ZSCAN1: variants seen among roughly 807,000 people sequenced by gnomAD.
ZSCAN1 encodes zinc finger and SCAN domain containing 1, also known as zinc finger and SCAN domain-containing protein 1.
Under a neutral mutation model 23.8 loss-of-function variants are expected in ZSCAN1, and 23 were observed. That is an observed-to-expected ratio of 0.97 (90% CI 0.70 to 1.37). ZSCAN1 has a LOEUF of 1.37. Ranked by LOEUF, ZSCAN1 falls within the 40% of genes most tolerant of loss-of-function variation. ZSCAN1 has a pLI of 0.00. For synonymous variants in ZSCAN1, 236 were observed against 232.3 expected (o/e 1.02, Z -0.15); for missense variants, 575 against 554.0 (o/e 1.04, Z -0.38).
intron 4 of ZSCAN1, chr19:58,044,927 TTGG>T: frequency 1.1e-6 from 1 of 913,908 alleles, no homozygotes; most frequent in South Asian, 1.3e-5. Flanking sequence ...TCGCGCCCTG[TTGG>T]TGATGACTCG....
At chr19:58,054,792 G>A (rs1445531355), downstream of ZSCAN1, among the ~76,000 whole-genome samples, 1 of 152,246 alleles carries the variant, frequency 6.6e-6, no homozygotes, top group Non-Finnish European at 1.5e-5. The surrounding 1 kb of genome is among the most constrained non-coding windows in gnomAD (Gnocchi z 4.2). Context: ...GATTTCAGGC[G>A]CAGTCTTTAG....
downstream of ZSCAN1, among the ~76,000 whole-genome samples, chr19:58,055,278 T>A (rs769596887): frequency 9.9e-5 from 15 of 152,246 alleles, no homozygotes; most frequent in East Asian, 2.9e-3. Flanking sequence ...CTGTCCCCGA[T>A]GGCCCTCTCG....
chr19:58,037,926 C>T lies in ZSCAN1; in HGVS notation c.90C>T (p.Ser30=). ...SEQDADPGPA[S]PRDTEAQRLR... is the part of the protein sequence containing the mutation. ...AGGACGCAGACCCTGGGCCAGCAAG[C>T]CCCAGGGACACCGAAGCCCAGCGTC... The change falls in exon 3 of 6, where the codon AGC becomes AGT. Residue 30 remains serine, a synonymous_variant. Coordinates refer to ENST00000282326, the MANE Select transcript of ZSCAN1 (RefSeq NM_182572.4). 1 of 1,601,836 alleles carries T rather than the reference C, an allele frequency of 6.2e-7. No homozygotes were observed. Among genetic ancestry groups the T allele is most frequent in the Non-Finnish European group, 8.5e-7 (1 of 1,179,206 alleles).
intron 4 of ZSCAN1, among the ~76,000 whole-genome samples, chr19:58,050,547 C>T (rs1158890222): frequency 6.6e-6 from 1 of 151,948 alleles, no homozygotes; most frequent in Non-Finnish European, 1.5e-5. Context: ...TTTGAGACGG[C>T]GTCTCGCTCT....
Position 58,037,886 on chromosome 19 carries a change from C to T in ZSCAN1, c.50C>T (p.Pro17Leu). The stretch of plus-strand genomic sequence containing the variant: ...GCCTCCCCCAGACGCCCCCAGACCC[C>T]AACCCCGAGTGAGCAGGACGCAGAC... The part of the protein sequence containing the change: ...APASPRRPQT[P>L]TPSEQDADPG... The change falls in exon 3 of 6, where the codon CCA becomes CTA. Residue 17 changes from proline (P) to leucine (L), a missense_variant. Pro to Leu is a moderately conservative substitution (Grantham distance 98). Coordinates refer to ENST00000282326, the MANE Select transcript of ZSCAN1 (RefSeq NM_182572.4). 1 of 1,575,122 alleles carries T rather than the reference C, an allele frequency of 6.3e-7. No individual in the cohort carries two copies. Among genetic ancestry groups the T allele is most frequent in the Non-Finnish European group, 8.6e-7 (1 of 1,164,992 alleles).
chr19:58,045,103 TC>T lies in ZSCAN1; in HGVS notation c.465+4561del. On this transcript the variant is annotated intron_variant, in intron 4 of 5. Transcript: ENST00000282326. The surrounding 1 kb of genome is among the most constrained non-coding windows in gnomAD (Gnocchi z 4.3). Reference sequence around the variant, plus strand: ...TACCATGGCTTCCGCCTGCTACGGATCCACACCAAGATCGCAGCACGCATGC... The same window carrying T: ...TACCATGGCTTCCGCCTGCTACGGATCACACCAAGATCGCAGCACGCATGC... 8.0e-7 allele frequency: 1 copy of T among 1,244,950 alleles called. No homozygotes were observed. The highest frequency in any genetic ancestry group is 1.2e-6 in the Non-Finnish European group (1 of 847,068). The allele number at this position is 1,244,950 out of a possible 1,614,324, so 77.1% of individuals were successfully genotyped here.
intron 4 of ZSCAN1, chr19:58,046,743 A>G (rs1403656432): frequency 3.8e-6 from 3 of 781,066 alleles, no homozygotes; most frequent in African/African-American, 3.4e-5. Flanking sequence ...GAAGGTGGAG[A>G]AGGAGGTTGC....
chr19:58,038,433 C>G (rs1409269941), intron 3 of ZSCAN1: 5 of 626,262 alleles, frequency 8.0e-6, no homozygotes, highest in Non-Finnish European at 1.4e-5. Flanking sequence ...AAAGATCCCT[C>G]CATTTCCCAT....
intron 4 of ZSCAN1, chr19:58,044,729 C>A: frequency 1.3e-6 from 1 of 743,088 alleles, no homozygotes. Flanking sequence ...AGGAGCTGCC[C>A]GAAAGTTTCA....
At chr19:58,041,395 G>A (rs1373651026) in intron 4 of ZSCAN1, among the ~76,000 whole-genome samples, 1 of 152,204 alleles carries the variant, frequency 6.6e-6, no homozygotes, top group Non-Finnish European at 1.5e-5. Flanking sequence ...GAACAAAGGG[G>A]CACACATTGG....
chr19:58,052,939 G>T (rs1172393392), intron 5 of ZSCAN1, among the ~76,000 whole-genome samples: 2 of 150,512 alleles, frequency 1.3e-5, no homozygotes, highest in Non-Finnish European at 3.0e-5. Context: ...AGTGCTGTGG[G>T]ATCTGCTCCC....
intron 4 of ZSCAN1, among the ~76,000 whole-genome samples, chr19:58,042,852 C>T (rs2073799727): frequency 6.6e-6 from 1 of 152,218 alleles, no homozygotes; most frequent in Non-Finnish European, 1.5e-5. Context: ...CACCCCTCTC[C>T]CACCAGGGCC....
chr19:58,038,032 T>C lies in ZSCAN1; in HGVS notation c.196T>C (p.Trp66Arg). 1 of 1,611,734 alleles carries C rather than the reference T, an allele frequency of 6.2e-7. No individual in the cohort carries two copies. Residue 66 changes from tryptophan to arginine, a missense_variant, in exon 3 of 6, where the codon TGG (tryptophan) becomes CGG (arginine). Coordinates refer to ENST00000282326, the MANE Select transcript of ZSCAN1 (RefSeq NM_182572.4). ...LGQLWTLCRQ[W>R]LRPEARSKEQ... Reference sequence around the variant, plus strand: ...CCAGCTCTGGACGCTGTGCCGCCAGTGGCTGAGGCCCGAGGCGCGCTCCAA... The same window carrying C: ...CCAGCTCTGGACGCTGTGCCGCCAGCGGCTGAGGCCCGAGGCGCGCTCCAA...
At position 58,040,210 on chromosome 19, in the gene ZSCAN1, G is replaced by A. The variant is rs1020856345; in HGVS notation, c.371-240G>A. Among the ~76,000 whole-genome samples, 13 of 152,156 alleles carry A rather than the reference G, an allele frequency of 8.5e-5. No homozygotes were observed. Among genetic ancestry groups the A allele is most frequent in the African/African-American group, 2.7e-4 (11 of 41,432 alleles). On this transcript the variant is annotated intron_variant, in intron 3 of 5. Coordinates refer to ENST00000282326, the MANE Select transcript of ZSCAN1 (RefSeq NM_182572.4). The surrounding 1 kb of genome is among the most constrained non-coding windows in gnomAD (Gnocchi z 5.8). ...TGTGTCCTCGTGGGCTTCTGGAGGC[G>A]CACAGGGGTGTGGAGTATGAGTGAA...
Position 58,037,903 on chromosome 19 carries a change from G to A in ZSCAN1, c.67G>A (p.Asp23Asn). The change falls in exon 3 of 6, where the codon GAC (aspartate) becomes AAC (asparagine). Residue 23 changes from aspartate (D) to asparagine (N), a missense_variant. Coordinates refer to ENST00000282326, the MANE Select transcript of ZSCAN1 (RefSeq NM_182572.4). ...CCAGACCCCAACCCCGAGTGAGCAG[G>A]ACGCAGACCCTGGGCCAGCAAGCCC... ...RPQTPTPSEQ[D>N]ADPGPASPRD... The A allele has an allele frequency of 1.3e-6, 2 of 1,594,708 alleles. No individual in the cohort carries two copies. The highest frequency in any genetic ancestry group is 2.2e-5 in the South Asian group (2 of 90,334).
In ZSCAN1 at chr19:58,045,583, A is replaced by G; in HGVS notation, c.465+5039A>G. The G allele has an allele frequency of 3.6e-6, 4 of 1,099,018 alleles. No homozygotes were observed. In the South Asian group the frequency reaches 4.9e-5, roughly 14 times the overall value. The allele number at this position is 1,099,018 out of a possible 1,614,324, so 68.1% of individuals were successfully genotyped here. A position where few individuals can be genotyped will look rare whatever the true frequency, so the allele number is the denominator to read the frequency against. On this transcript the variant is annotated intron_variant, in intron 4 of 5. Coordinates refer to ENST00000282326, the MANE Select transcript of ZSCAN1 (RefSeq NM_182572.4). The surrounding 1 kb of genome is among the most constrained non-coding windows in gnomAD (Gnocchi z 4.3). Reference sequence around the variant, plus strand: ...CTGGTGGCCCTGTGCAAGCTGCTGGAGCTACAGCTTCCTGCGCTTCCAGCT... The same window carrying G: ...CTGGTGGCCCTGTGCAAGCTGCTGGGGCTACAGCTTCCTGCGCTTCCAGCT...
chr19:58,042,926 G>A (rs1473303742), intron 4 of ZSCAN1, among the ~76,000 whole-genome samples: 2 of 152,248 alleles, frequency 1.3e-5, no homozygotes, highest in African/African-American at 4.8e-5. Flanking sequence ...ACAGCAGGGT[G>A]CCCCAACGTC....
At chr19:58,044,844 G>A in intron 4 of ZSCAN1, 1 of 762,070 alleles carries the variant, frequency 1.3e-6, no homozygotes, top group Non-Finnish European at 2.3e-6. Flanking sequence ...TGTCGAGAGC[G>A]CCATGGACCT....
intron 3 of ZSCAN1, 68 bp downstream of exon 3, chr19:58,038,274 C>A (rs954528517): frequency 6.5e-7 from 1 of 1,534,544 alleles, no homozygotes; most frequent in African/African-American, 1.4e-5. Context: ...ACCGAACTGC[C>A]CTCCTTCCCG....
Sources: gnomAD v4.1 joint callset for allele counts (sites outside exome capture counted in the v4.1 genomes callset) on GRCh38, gnomAD v4.1.1 for gene constraint, Gnocchi (gnomAD v3.1) non-coding constraint, MANE v1.5 for transcripts, NCBI Gene and HGNC (gene_info 2026-07-23, HGNC 2026-07-21) for gene names.